Variants in WIPI2 observed in about 807,000 individuals in gnomAD.
WIPI2 encodes WD repeat domain, phosphoinositide interacting 2.
A neutral mutation model predicts 52.3 loss-of-function variants in WIPI2; 28 were observed. That is an observed-to-expected ratio of 0.54 (90% CI 0.40 to 0.73). WIPI2 has a LOEUF of 0.73. WIPI2 is among the 30% of genes least tolerant of loss of function. WIPI2 has a pLI of 0.00. For missense variants in WIPI2, 506 were observed against 602.9 expected (o/e 0.84, Z 1.68); for synonymous variants, 268 against 245.0 (o/e 1.09, Z -0.88).
intron 2 of WIPI2, among the ~76,000 whole-genome samples, chr7:5,198,131 G>A (rs1481570111): frequency 1.3e-5 from 2 of 152,036 alleles, no homozygotes; most frequent in African/African-American, 2.4e-5. Context: ...AGCCAACGAC[G>A]GGGCCTTTGA....
At chr7:5,192,154 T>C (rs1045854100) in intron 1 of WIPI2, among the ~76,000 whole-genome samples, 9 of 152,180 alleles carry the variant, frequency 5.9e-5, no homozygotes, top group Admixed American at 2.6e-4. Flanking sequence ...ACTGTAGCGT[T>C]CTGTGTGACC....
chr7:5,218,216 G>T, intron 7 of WIPI2: 1 of 545,540 alleles, frequency 1.8e-6, no homozygotes, highest in Non-Finnish European at 3.3e-6. Flanking sequence ...GGACGGGAGA[G>T]CTGGTCCACA....
intron 8 of WIPI2, among the ~76,000 whole-genome samples, chr7:5,223,789 AG>A (rs760328696): frequency 1.3e-4 from 20 of 152,038 alleles, no homozygotes; most frequent in Non-Finnish European, 2.6e-4. Context: ...CTTGGTAAAT[AG>A]CGCCACTTGC....
At chr7:5,224,668 T>C (rs1230544554) in intron 8 of WIPI2, among the ~76,000 whole-genome samples, 1 of 152,182 alleles carries the variant, frequency 6.6e-6, no homozygotes, top group African/African-American at 2.4e-5. Flanking sequence ...CTCAGTGAGT[T>C]CCTGGCTGGG....
intron 3 of WIPI2, among the ~76,000 whole-genome samples, chr7:5,205,275 C>T (rs142104447): frequency 9.2e-5 from 14 of 152,292 alleles, no homozygotes; most frequent in African/African-American, 3.4e-4. Context: ...TGCACCCGGC[C>T]CTGGCCTATT....
chr7:5,205,506 C>G (rs1782249632), intron 3 of WIPI2, among the ~76,000 whole-genome samples: 1 of 152,160 alleles, frequency 6.6e-6, no homozygotes, highest in Non-Finnish European at 1.5e-5. Context: ...CTGGTCTTTG[C>G]AGTTGGCCGT....
intron 3 of WIPI2, among the ~76,000 whole-genome samples, chr7:5,206,199 C>T (rs1276742158): frequency 2.0e-5 from 3 of 152,118 alleles, no homozygotes; most frequent in African/African-American, 7.2e-5. Flanking sequence ...GTTCTACCTT[C>T]AATACTTGGA....
chr7:5,205,193 C>G (rs1782235463), intron 3 of WIPI2, among the ~76,000 whole-genome samples: 1 of 152,208 alleles, frequency 6.6e-6, no homozygotes, highest in South Asian at 2.1e-4. Flanking sequence ...CTAGGCTGGT[C>G]TGGAACTCCT....
In WIPI2 at chr7:5,199,562, T is replaced by C. The variant is rs1288956162; in HGVS notation, c.129-14T>C. 1 of 1,602,464 alleles carries C rather than the reference T, an allele frequency of 6.2e-7. No homozygotes were observed. Among genetic ancestry groups the C allele is most frequent in the African/African-American group, 1.4e-5 (1 of 73,760 alleles). ...ACGTATCAGCTCTTATTTCTGAATT[T>C]GGCTTTTTTGCAGGTCCCTAGCTGT... On this transcript the variant is annotated splice_polypyrimidine_tract_variant and intron_variant, in intron 2 of 12. Transcript: ENST00000288828.
In WIPI2 at chr7:5,217,196, C is replaced by G; in HGVS notation, c.576+9C>G. The G allele has an allele frequency of 4.3e-6, 7 of 1,613,944 alleles. No homozygotes were observed. The highest frequency in any genetic ancestry group is 5.9e-6 in the Non-Finnish European group (7 of 1,179,872). On this transcript the variant is annotated intron_variant, in intron 6 of 12. Coordinates refer to ENST00000288828, the MANE Select transcript of WIPI2 (RefSeq NM_015610.4). ...TCGATACCATTAATTTGGTGAGATG[C>G]CTTTCCTGCTCGAATAGCTCTCTAA... is the stretch of plus-strand genomic sequence containing the variant.
chr7:5,228,282 GTT>G, intron 11 of WIPI2, 71 bp downstream of exon 11: 1 of 1,377,192 alleles, frequency 7.3e-7, no homozygotes, highest in Non-Finnish European at 9.8e-7. Context: ...CCTGGCGAAC[GTT>G]TGTTTATTTC....
chr7:5,198,353 A>G (rs1781853612), intron 2 of WIPI2, among the ~76,000 whole-genome samples: 1 of 150,466 alleles, frequency 6.6e-6, no homozygotes. Flanking sequence ...TCGCTCTATC[A>G]CCCAGTCTGG....
intron 3 of WIPI2, among the ~76,000 whole-genome samples, chr7:5,212,735 C>T (rs1782617476): frequency 6.6e-6 from 1 of 152,206 alleles, no homozygotes; most frequent in South Asian, 2.1e-4. Flanking sequence ...CCAGGCTGGT[C>T]TCGAATTCCT....
At chr7:5,206,557 A>T (rs1287944777) in intron 3 of WIPI2, among the ~76,000 whole-genome samples, 1 of 152,152 alleles carries the variant, frequency 6.6e-6, no homozygotes, top group Non-Finnish European at 1.5e-5. Flanking sequence ...TTTCCAAGTG[A>T]TGGTTGGTGG....
At chr7:5,210,441 C>T (rs988285559) in intron 3 of WIPI2, among the ~76,000 whole-genome samples, 1 of 152,222 alleles carries the variant, frequency 6.6e-6, no homozygotes, top group Non-Finnish European at 1.5e-5. Context: ...ACTTCCATCT[C>T]ATACACGGTC....
chr7:5,213,243 G>C (rs910411132), intron 3 of WIPI2: 1 of 152,254 alleles, frequency 6.6e-6, no homozygotes, highest in Admixed American at 6.5e-5. Context: ...TGTTCCTTTT[G>C]AATGAAGGTC....
At chr7:5,198,317 AC>A (rs1170065263) in intron 2 of WIPI2, among the ~76,000 whole-genome samples, 2 of 145,672 alleles carry the variant, frequency 1.4e-5, no homozygotes, top group Non-Finnish European at 3.0e-5. Flanking sequence ...CACTTACTTA[AC>A]TTTTTTTTTT....
intron 3 of WIPI2, 45 bp downstream of exon 3, chr7:5,199,703 AAGTT>A (rs755839720): frequency 5.3e-6 from 8 of 1,512,122 alleles, no homozygotes; most frequent in Middle Eastern, 2.2e-4. Context: ...AAAAAAAAAA[AAGTT>A]GTACTTGAAT....
In WIPI2 at chr7:5,227,141, A is replaced by C; in HGVS notation, c.849-39A>C. 7 of 1,611,668 alleles carry C rather than the reference A, an allele frequency of 4.3e-6. No individual in the cohort carries two copies. Among genetic ancestry groups the C allele is most frequent in the Non-Finnish European group, 5.9e-6 (7 of 1,178,992 alleles). ...GTAGGGGGTGGCCGTCCCCCCAGGG[A>C]GGGTGCAGCTTCATGTGTCTGGTGG... On this transcript the variant is annotated intron_variant, in intron 9 of 12. Coordinates refer to ENST00000288828, the MANE Select transcript of WIPI2 (RefSeq NM_015610.4). The surrounding 1 kb of genome is among the most constrained non-coding windows in gnomAD (Gnocchi z 8.1).
Sources: allele counts gnomAD v4.1 joint callset (sites outside exome capture counted in the v4.1 genomes callset), GRCh38; gene constraint gnomAD v4.1.1; non-coding constraint Gnocchi (gnomAD v3.1); transcripts MANE v1.5; gene names NCBI Gene and HGNC (gene_info 2026-07-23, HGNC 2026-07-21).